The following PPARGC1B variants were observed in gnomAD, a reference collection of about 807,000 sequenced individuals.
PPARGC1B encodes the protein PPARG coactivator 1 beta.
A neutral mutation model predicts 101.6 loss-of-function variants in PPARGC1B; 34 were observed. That is an observed-to-expected ratio of 0.33 (90% CI 0.25 to 0.45). The LOEUF is 0.45. Ranked by LOEUF, PPARGC1B falls within the 20% of genes least tolerant of loss-of-function variation. The probability of loss-of-function intolerance (pLI) is 1.00; values close to 1 mark genes in which losing one functional copy is unlikely to be tolerated. For synonymous variants in PPARGC1B, 548 were observed against 539.3 expected, an observed-to-expected ratio of 1.02 and a Z score of -0.22; for missense variants, 1,234 against 1,317.6, an observed-to-expected ratio of 0.94 and a Z score of 0.98.
Position 149,822,217 on chromosome 5 carries a change from A to G in PPARGC1B, c.252+1611A>G, listed in dbSNP as rs140994935. The stretch of plus-strand genomic sequence containing the variant: ...GGGGTTTGGATGCTCCCTGAAAACC[A>G]TCCCCACTGAGACTGTATAGGCCCC... On this transcript the variant is annotated intron_variant, in intron 2 of 11. Coordinates refer to ENST00000309241, the MANE Select transcript of PPARGC1B (RefSeq NM_133263.4). Among the ~76,000 whole-genome samples, 373 of 152,276 alleles carry G rather than the reference A, an allele frequency of 2.4e-3. 4 individuals are homozygous for G. Among genetic ancestry groups the G allele is most frequent in the African/African-American group, 8.8e-3 (364 of 41,558 alleles).
intron 2 of PPARGC1B, among the ~76,000 whole-genome samples, chr5:149,825,841 A>G (rs1221863691): frequency 6.6e-6 from 1 of 152,196 alleles, no homozygotes; most frequent in African/African-American, 2.4e-5. Flanking sequence ...TGTCATCATC[A>G]TCATCGTCAT....
chr5:149,754,677 G>A (rs1314925064), intron 1 of PPARGC1B, among the ~76,000 whole-genome samples: 2 of 151,792 alleles, frequency 1.3e-5, no homozygotes, highest in Non-Finnish European at 2.9e-5. Context: ...GGAGTCAGGT[G>A]TCAGAGGCTG....
At chr5:149,776,868 G>A (rs1756380175) in intron 1 of PPARGC1B, among the ~76,000 whole-genome samples, 1 of 152,256 alleles carries the variant, frequency 6.6e-6, no homozygotes, top group Non-Finnish European at 1.5e-5. Flanking sequence ...GCAGCGGACA[G>A]GGAGAGGCTC....
intron 1 of PPARGC1B, among the ~76,000 whole-genome samples, chr5:149,760,513 A>G (rs112576171): frequency 0.024 from 3,613 of 152,326 alleles, 155 homozygotes; most frequent in African/African-American, 0.084. Flanking sequence ...TGAGAATTAA[A>G]TGAGAATAAA....
intron 1 of PPARGC1B, among the ~76,000 whole-genome samples, chr5:149,773,477 G>A (rs1055985439): frequency 9.9e-5 from 15 of 152,238 alleles, no homozygotes; most frequent in African/African-American, 1.7e-4. Flanking sequence ...GCAAGGCAGC[G>A]TCTACTCTTA....
At position 149,730,913 on chromosome 5, in the gene PPARGC1B, G is replaced by A. The variant is rs1389326652; in HGVS notation, c.78+493G>A. ...CAGAGTGCTGTTGCTGGCCCCCCGCGGCTTTCTACCCGCGCCCGCAGCGCG... is the reference window on the plus strand; with the variant it reads ...CAGAGTGCTGTTGCTGGCCCCCCGCAGCTTTCTACCCGCGCCCGCAGCGCG... On this transcript the variant is annotated intron_variant, in intron 1 of 11. Coordinates refer to ENST00000309241, the MANE Select transcript of PPARGC1B (RefSeq NM_133263.4). This position sits in a 1 kb window ranked among gnomAD's most constrained non-coding sequence, Gnocchi z 4.0. 2.6e-5 allele frequency among the ~76,000 whole-genome samples: 4 copies of A among 152,216 alleles called. No individual in the cohort carries two copies. The highest frequency in any genetic ancestry group is 6.5e-5 in the Admixed American group (1 of 15,288).
intron 1 of PPARGC1B, among the ~76,000 whole-genome samples, chr5:149,762,155 G>GTTTTT (rs145066643): frequency 1.5e-5 from 2 of 133,720 alleles, no homozygotes; most frequent in African/African-American, 2.8e-5. Flanking sequence ...AATCCCATGG[G>GTTTTT]TTTTTTTTTT....
At chr5:149,738,267 A>G (rs559218395) in intron 1 of PPARGC1B, among the ~76,000 whole-genome samples, 1 of 150,426 alleles carries the variant, frequency 6.6e-6, no homozygotes, top group African/African-American at 2.5e-5. Context: ...ATGATTAGGA[A>G]ATCACTCCTG....
At chr5:149,808,285 A>G (rs1348102341) in intron 1 of PPARGC1B, among the ~76,000 whole-genome samples, 1 of 152,000 alleles carries the variant, frequency 6.6e-6, no homozygotes, top group Non-Finnish European at 1.5e-5. Flanking sequence ...CCACCTCCCA[A>G]TTTCTGTGAA....
At chr5:149,736,383 G>A (rs559589235) in intron 1 of PPARGC1B, among the ~76,000 whole-genome samples, 21 of 148,744 alleles carry the variant, frequency 1.4e-4, no homozygotes, top group South Asian at 2.1e-4. Flanking sequence ...TTTTTTTTGC[G>A]TAAAAAAGAG....
At chr5:149,792,924 T>C (rs1581059407) in intron 1 of PPARGC1B, among the ~76,000 whole-genome samples, 1 of 152,000 alleles carries the variant, frequency 6.6e-6, no homozygotes, top group African/African-American at 2.4e-5. Context: ...GTCTCGTGTC[T>C]GTCCTGGGGA....
intron 3 of PPARGC1B, 118 bp downstream of exon 3, chr5:149,827,003 C>T: frequency 1.3e-6 from 1 of 795,238 alleles, no homozygotes; most frequent in Non-Finnish European, 2.1e-6. Context: ...GCATCACTGG[C>T]AATATTGATC....
chr5:149,752,247 T>G (rs892892245), intron 1 of PPARGC1B, among the ~76,000 whole-genome samples: 2 of 152,234 alleles, frequency 1.3e-5, no homozygotes, highest in Non-Finnish European at 2.9e-5. Context: ...TAAATACCCT[T>G]GCTGGTGGGG....
At chr5:149,782,736 G>A (rs1308348129) in intron 1 of PPARGC1B, among the ~76,000 whole-genome samples, 2 of 152,224 alleles carry the variant, frequency 1.3e-5, no homozygotes, top group South Asian at 2.1e-4. Flanking sequence ...ACGAGGCCCC[G>A]GGTGCTGGGA....
chr5:149,848,002 C>A lies in PPARGC1B; in HGVS notation c.*444C>A, dbSNP rs150575683. ...TTTTTAATTGAAAAAAAAAGTATAT[C>A]CTTAAAATAATGTATTTATGGCTCA... On this transcript the variant is annotated 3_prime_UTR_variant, in exon 12 of 12. Transcript: ENST00000309241. 3 of 178,932 alleles carry A rather than the reference C, an allele frequency of 1.7e-5. No homozygotes were observed. In the South Asian group the frequency reaches 3.9e-4, roughly 23 times the overall value. 11.1% of individuals were successfully genotyped at this position (178,932 alleles called of 1,614,324 possible). A position where few individuals can be genotyped will look rare whatever the true frequency, so the allele number is the denominator to read the frequency against.
intron 1 of PPARGC1B, among the ~76,000 whole-genome samples, chr5:149,736,317 C>T (rs1322978036): frequency 6.6e-6 from 1 of 151,590 alleles, no homozygotes; most frequent in Non-Finnish European, 1.5e-5. Flanking sequence ...CTCTTTGAAG[C>T]ACTTTAGAAG....
intron 1 of PPARGC1B, among the ~76,000 whole-genome samples, chr5:149,797,200 C>G (rs1486318455): frequency 6.6e-6 from 1 of 152,200 alleles, no homozygotes; most frequent in Admixed American, 6.5e-5. Context: ...CTGGGATAAC[C>G]TAGACCAGCC....
chr5:149,822,241 C>T (rs966618246), intron 2 of PPARGC1B, among the ~76,000 whole-genome samples: 3 of 152,144 alleles, frequency 2.0e-5, no homozygotes, highest in Admixed American at 1.3e-4. Context: ...TGTATAGGCC[C>T]CCCACCTACT....
intron 1 of PPARGC1B, among the ~76,000 whole-genome samples, chr5:149,755,641 TATTATTG>T (rs1755493355): frequency 6.8e-6 from 1 of 147,872 alleles, no homozygotes; most frequent in African/African-American, 2.5e-5. Flanking sequence ...TTATTATTAT[TATTATTG>T]CTTTTTTTTT....
Sources: allele counts gnomAD v4.1 joint callset (sites outside exome capture counted in the v4.1 genomes callset), GRCh38; gene constraint gnomAD v4.1.1; non-coding constraint Gnocchi (gnomAD v3.1); transcripts MANE v1.5; gene names NCBI Gene and HGNC (gene_info 2026-07-23, HGNC 2026-07-21).